Variants in P2RY12 observed in about 807,000 individuals in gnomAD.
The protein encoded by P2RY12 is P2Y purinoceptor 12.
Under a neutral mutation model 4.5 loss-of-function variants are expected in P2RY12, and 3 were observed. That is an observed-to-expected ratio of 0.67 (90% CI 0.31 to 1.74). The LOEUF is 1.74. Among genes scored for constraint, P2RY12 ranks in the 40% most tolerant of loss-of-function variants. The pLI is 0.09. For synonymous variants in P2RY12, 148 were observed against 154.1 expected, an observed-to-expected ratio of 0.96 and a Z score of 0.29; for missense variants, 356 against 407.8, an observed-to-expected ratio of 0.87 and a Z score of 1.09.
chr3:151,374,123 C>T (rs182260177), intron 1 of P2RY12, among the ~76,000 whole-genome samples: 3 of 152,198 alleles, frequency 2.0e-5, no homozygotes, highest in South Asian at 2.1e-4. Flanking sequence ...TTCCCAAAAA[C>T]GTCAATTTAC....
At chr3:151,353,968 C>T (rs12485537) in intron 1 of P2RY12, among the ~76,000 whole-genome samples, 42,568 of 149,384 alleles carry the variant, frequency 0.28, 6,184 homozygotes, top group South Asian at 0.31. Flanking sequence ...GGTGAAACCC[C>T]GTCTCTACTA....
At chr3:151,381,662 C>T (rs141616899) in intron 1 of P2RY12, among the ~76,000 whole-genome samples, 4 of 152,274 alleles carry the variant, frequency 2.6e-5, no homozygotes, top group African/African-American at 9.6e-5. Context: ...AAAATAGGAC[C>T]ACAGCCATTC....
chr3:151,368,712 T>G (rs142092433), intron 1 of P2RY12, among the ~76,000 whole-genome samples: 10,543 of 76,060 alleles, frequency 0.14, 1,906 homozygotes, highest in African/African-American at 0.45. Context: ...TTCATTTCAT[T>G]TCATTTCATT....
At chr3:151,360,771 G>GACAGGGACAAT (rs1321500791) in intron 1 of P2RY12, among the ~76,000 whole-genome samples, 9 of 152,170 alleles carry the variant, frequency 5.9e-5, no homozygotes, top group Admixed American at 2.0e-4. Context: ...TATTAAAATA[G>GACAGGGACAAT]ACAGGGACAA....
chr3:151,355,870 C>T, intron 1 of P2RY12: 2 of 1,586,326 alleles, frequency 1.3e-6, no homozygotes, highest in Non-Finnish European at 8.6e-7. Flanking sequence ...ATTGGTCTTA[C>T]AATATTTTTG....
At chr3:151,371,069 C>T (rs941993745) in intron 1 of P2RY12, among the ~76,000 whole-genome samples, 1 of 152,202 alleles carries the variant, frequency 6.6e-6, no homozygotes, top group Non-Finnish European at 1.5e-5. Flanking sequence ...CTCATACCTT[C>T]TCTGTTGTCC....
At chr3:151,347,409 C>T (rs1328813487) in intron 1 of P2RY12, among the ~76,000 whole-genome samples, 1 of 152,112 alleles carries the variant, frequency 6.6e-6, no homozygotes, top group Non-Finnish European at 1.5e-5. Context: ...AATTTACACA[C>T]TAATGAGGAA....
intron 1 of P2RY12, among the ~76,000 whole-genome samples, chr3:151,353,012 TTTC>T (rs1294106365): frequency 6.6e-6 from 1 of 152,196 alleles, no homozygotes; most frequent in East Asian, 1.9e-4. Context: ...TCACCACTGA[TTTC>T]TTACATTTTG....
chr3:151,338,381 G>C lies in P2RY12; in HGVS notation c.465C>G (p.Leu155=). 6.2e-7 allele frequency: 1 copy of C among 1,614,092 alleles called. No homozygotes were observed. Among genetic ancestry groups the C allele is most frequent in the Non-Finnish European group, 8.5e-7 (1 of 1,180,008 alleles). ...TGGTCAGAATCATGTTAGGCAAAGA[G>C]AGTAAGAACATGAATGCCCAGATGA... ...SVVIWAFMFL[L]SLPNMILTNR... Residue 155 remains leucine, a synonymous_variant, in exon 3 of 3, where the codon CTC becomes CTG. Transcript: ENST00000302632.
At chr3:151,369,694 C>T in intron 1 of P2RY12, 1 of 530,554 alleles carries the variant, frequency 1.9e-6, no homozygotes, top group Non-Finnish European at 3.3e-6. Flanking sequence ...AGTGGTTTCT[C>T]CTAGACCAAA....
intron 1 of P2RY12, among the ~76,000 whole-genome samples, chr3:151,345,906 A>G (rs1752480588): frequency 2.0e-5 from 3 of 152,200 alleles, no homozygotes; most frequent in Admixed American, 2.0e-4. Context: ...TGCCTGTCCT[A>G]TTTGAAGACT....
rs535554451 is a variant in P2RY12, at chr3:151,364,973, C to A, written c.-180+19719G>T. ...TCTGTTTTAACTTTTTTTCTTATAA[C>A]CTCAGTAGTGCCTGTTCAAAAGTAA... On this transcript the variant is annotated intron_variant, in intron 1 of 2. Transcript: ENST00000302632. 10 of 1,603,536 alleles carry A rather than the reference C, an allele frequency of 6.2e-6. 1 individual carries two copies. The South Asian group carries it at 7.7e-5, about 12-fold the overall frequency.
At chr3:151,362,848 A>G (rs1577443963) in intron 1 of P2RY12, among the ~76,000 whole-genome samples, 1 of 152,290 alleles carries the variant, frequency 6.6e-6, no homozygotes, top group South Asian at 2.1e-4. Flanking sequence ...GGGTCTTAGG[A>G]AATATCTTTC....
intron 1 of P2RY12, chr3:151,357,462 A>G (rs1560072074): frequency 3.0e-5 from 35 of 1,177,480 alleles, no homozygotes; most frequent in Non-Finnish European, 3.5e-5. Flanking sequence ...TAAAAGAAAA[A>G]TAGTACTGAT....
At chr3:151,339,487 A>G (rs984368129) in intron 2 of P2RY12, among the ~76,000 whole-genome samples, 2 of 151,510 alleles carry the variant, frequency 1.3e-5, no homozygotes, top group African/African-American at 2.4e-5. Context: ...TCCTGCCTCT[A>G]TATTGCTCAC....
intron 1 of P2RY12, among the ~76,000 whole-genome samples, chr3:151,373,988 T>G (rs1756505614): frequency 6.6e-6 from 1 of 152,058 alleles, no homozygotes; most frequent in Non-Finnish European, 1.5e-5. Context: ...CACTTAAATA[T>G]ATGTAAATAT....
At chr3:151,381,259 C>T (rs1712287816) in intron 1 of P2RY12, among the ~76,000 whole-genome samples, 1 of 152,164 alleles carries the variant, frequency 6.6e-6, no homozygotes, top group South Asian at 2.1e-4. Context: ...GACAAGGACA[C>T]TTAATCTTAT....
At chr3:151,348,368 A>G (rs1426621761) in intron 1 of P2RY12, among the ~76,000 whole-genome samples, 2 of 149,304 alleles carry the variant, frequency 1.3e-5, no homozygotes, top group Non-Finnish European at 3.0e-5. Context: ...AAAAAAGAAA[A>G]AAGAAATATA....
intron 1 of P2RY12, among the ~76,000 whole-genome samples, chr3:151,353,969 G>A (rs1364117232): frequency 1.3e-5 from 2 of 149,508 alleles, no homozygotes; most frequent in African/African-American, 5.0e-5. Flanking sequence ...GTGAAACCCC[G>A]TCTCTACTAA....
Sources: gnomAD v4.1 joint callset for allele counts (sites outside exome capture counted in the v4.1 genomes callset) on GRCh38, gnomAD v4.1.1 for gene constraint, MANE v1.5 for transcripts, NCBI Gene and HGNC (gene_info 2026-07-23, HGNC 2026-07-21) for gene names.